Variants in SMIM24 observed in about 807,000 individuals in gnomAD.
SMIM24 encodes MAP17-related dimer.
SMIM24 carries 6 observed loss-of-function variants against 10.8 expected under a neutral mutation model. The ratio of observed to expected loss-of-function variants is 0.55; its 90% CI spans 0.30 to 1.09. The LOEUF is 1.09. SMIM24 is among the 50% of genes least tolerant of loss of function. SMIM24 has a pLI of 0.06. For missense variants in SMIM24, 151 were observed against 153.4 expected (o/e 0.98, Z 0.08); for synonymous variants, 71 against 62.4 (o/e 1.14, Z -0.65).
intron 1 of SMIM24, 153 bp from the exon 2 acceptor site, chr19:3,479,082 G>C (rs2082805678): frequency 1.7e-6 from 1 of 598,904 alleles, no homozygotes; most frequent in Admixed American, 3.0e-5. Context: ...CCTGGATGGC[G>C]TAGGGGGGTC....
At chr19:3,479,308 A>C (rs1162674729) in intron 1 of SMIM24, among the ~76,000 whole-genome samples, 1 of 115,396 alleles carries the variant, frequency 8.7e-6, no homozygotes, top group African/African-American at 3.5e-5. Flanking sequence ...ATGACAAAGG[A>C]GTGGCTCAGG....
chr19:3,478,882 C>A lies in SMIM24; in HGVS notation c.115G>T (p.Val39Phe). ...AAATAGACGATGAACAGGAAGCCGA[C>A]TACCGCAGCCAGGCCCACCAGCCAC... ...KPWLVGLAAV[V>F]GFLFIVYLVL... The change falls in exon 2 of 4, where the codon GTC (valine) becomes TTC (phenylalanine). Residue 39 changes from valine (V) to phenylalanine (F), a missense_variant. Transcript: ENST00000215531. 6.5e-7 allele frequency: 1 copy of A among 1,549,994 alleles called. No individual in the cohort carries two copies. The highest frequency in any genetic ancestry group is 8.7e-7 in the Non-Finnish European group (1 of 1,146,794).
intron 1 of SMIM24, chr19:3,479,196 G>A (rs1054241881): frequency 1.0e-5 from 4 of 394,290 alleles, no homozygotes; most frequent in Admixed American, 4.3e-5. Context: ...AGAGGGGACG[G>A]AGTTTACAAA....
At chr19:3,480,199 G>A (rs2082812706) in intron 1 of SMIM24, among the ~76,000 whole-genome samples, 198 bp downstream of exon 1, 3 of 151,928 alleles carry the variant, frequency 2.0e-5, no homozygotes, top group African/African-American at 7.2e-5. Flanking sequence ...TGGGCGGTGG[G>A]GGGTCCCTTA....
intron 3 of SMIM24, among the ~76,000 whole-genome samples, chr19:3,476,160 G>A (rs1439132406): frequency 1.3e-5 from 2 of 151,380 alleles, no homozygotes; most frequent in African/African-American, 4.9e-5. Context: ...TGGAGGGAGG[G>A]ACAGATTAAT....
intron 3 of SMIM24, among the ~76,000 whole-genome samples, chr19:3,475,249 G>T (rs2122016420): frequency 6.6e-6 from 1 of 152,106 alleles, no homozygotes; most frequent in East Asian, 1.9e-4. Flanking sequence ...GTTGCCTCTT[G>T]GGACTCAGTT....
In SMIM24 at chr19:3,474,764, C is replaced by A. The variant is rs1485010302; in HGVS notation, c.*79G>T. 1.4e-6 allele frequency: 2 copies of A among 1,478,284 alleles called. No individual in the cohort carries two copies. The highest frequency in any genetic ancestry group is 2.5e-5 in the East Asian group (1 of 40,400). The allele number at this position is 1,478,284 out of a possible 1,614,324, so 91.6% of individuals were successfully genotyped here. On this transcript the variant is annotated 3_prime_UTR_variant, in exon 4 of 4. Coordinates refer to ENST00000215531, the MANE Select transcript of SMIM24 (RefSeq NM_001136503.2). ...ATCCCAGATGGAGTCATTTCACGGG[C>A]TTCAAGTCCAGGGCACTGCTTTTAG... is the stretch of plus-strand genomic sequence containing the variant.
chr19:3,478,289 C>G, intron 3 of SMIM24, 130 bp downstream of exon 3: 2 of 867,622 alleles, frequency 2.3e-6, no homozygotes, highest in Admixed American at 3.4e-5. Flanking sequence ...CCAGAAGATA[C>G]AGGAAAGGTG....
At chr19:3,477,396 G>C (rs1438669687) in intron 3 of SMIM24, among the ~76,000 whole-genome samples, 1 of 148,720 alleles carries the variant, frequency 6.7e-6, no homozygotes, top group African/African-American at 2.5e-5. Context: ...GTGATGAATG[G>C]ATGGGTGAGT....
chr19:3,479,097 G>A, intron 1 of SMIM24, 168 bp from the exon 2 acceptor site: 1 of 571,160 alleles, frequency 1.8e-6, no homozygotes, highest in Non-Finnish European at 3.1e-6. Flanking sequence ...GGGGTCGGGA[G>A]GGTTTAGAGA....
At chr19:3,479,521 G>T (rs989974237) in intron 1 of SMIM24, among the ~76,000 whole-genome samples, 1 of 149,582 alleles carries the variant, frequency 6.7e-6, no homozygotes, top group African/African-American at 2.5e-5. Flanking sequence ...GCTTATAAGG[G>T]GAGAGGGTCT....
At chr19:3,475,061 C>T (rs751464931) in intron 3 of SMIM24, 65 bp from the exon 4 acceptor site, 62 of 1,501,888 alleles carry the variant, frequency 4.1e-5, no homozygotes, top group Non-Finnish European at 5.5e-5. Flanking sequence ...AATGGCCACT[C>T]ACTTGAGCCA....
chr19:3,477,969 G>A (rs953248852), intron 3 of SMIM24, among the ~76,000 whole-genome samples: 2 of 152,018 alleles, frequency 1.3e-5, no homozygotes, highest in African/African-American at 4.8e-5. Context: ...ACTGAGTCCA[G>A]GTGGGTCGCC....
intron 1 of SMIM24, among the ~76,000 whole-genome samples, chr19:3,480,116 G>C (rs1283640754): frequency 6.6e-6 from 1 of 151,554 alleles, no homozygotes; most frequent in Non-Finnish European, 1.5e-5. Flanking sequence ...CCCGAGCTCA[G>C]AGTGGGGCCG....
intron 1 of SMIM24, 149 bp downstream of exon 1, chr19:3,480,248 G>C: frequency 1.2e-6 from 1 of 825,564 alleles, no homozygotes; most frequent in Non-Finnish European, 1.9e-6. Flanking sequence ...AGGCCGGGCG[G>C]TACTGCGGGG....
chr19:3,480,268 G>A, intron 1 of SMIM24, 129 bp downstream of exon 1: 1 of 980,650 alleles, frequency 1.0e-6, no homozygotes, highest in Non-Finnish European at 1.5e-6. Flanking sequence ...GGTTGAGAAG[G>A]GCCTCCAAGC....
Position 3,478,943 on chromosome 19 carries a change from G to C in SMIM24, c.68-14C>G. On this transcript the variant is annotated splice_polypyrimidine_tract_variant and intron_variant, in intron 1 of 3. Transcript: ENST00000215531. The stretch of plus-strand genomic sequence containing the variant: ...GATGCTCCGTGGCTGCAGGAAGTTG[G>C]GGAGGTTCGACTCAGAGGAAGAAAA... The C allele has an allele frequency of 6.5e-7, 1 of 1,547,370 alleles. No homozygotes were observed. The highest frequency in any genetic ancestry group is 1.2e-5 in the South Asian group (1 of 83,944).
intron 3 of SMIM24, 85 bp downstream of exon 3, chr19:3,478,334 A>G: frequency 7.7e-7 from 1 of 1,293,628 alleles, no homozygotes. Flanking sequence ...TGAAGGATTC[A>G]GGACAGCAAG....
At chr19:3,476,734 A>C (rs1599749998) in intron 3 of SMIM24, among the ~76,000 whole-genome samples, 1 of 151,068 alleles carries the variant, frequency 6.6e-6, no homozygotes, top group African/African-American at 2.4e-5. Flanking sequence ...CAGAGCCCCC[A>C]GCCCTGGATG....
Sources: gnomAD v4.1 joint callset for allele counts (sites outside exome capture counted in the v4.1 genomes callset) on GRCh38, gnomAD v4.1.1 for gene constraint, MANE v1.5 for transcripts, NCBI Gene and HGNC (gene_info 2026-07-23, HGNC 2026-07-21) for gene names.